Variants in PSMB10 observed in about 807,000 individuals in gnomAD.
PSMB10 encodes the protein proteasome subunit beta type-10.
In PSMB10, 29 loss-of-function variants were observed where a neutral mutation model predicts 29.8. That is an observed-to-expected ratio of 0.97 (90% CI 0.73 to 1.33). The LOEUF (loss-of-function observed/expected upper bound fraction) is 1.33. Ranked by LOEUF, PSMB10 falls within the 40% of genes most tolerant of loss-of-function variation. The pLI, the probability that PSMB10 is intolerant of heterozygous loss-of-function variation, is 0.00. For missense variants in PSMB10, 327 were observed against 369.2 expected (o/e 0.89, Z 0.94); for synonymous variants, 157 against 164.7 (o/e 0.95, Z 0.36).
At chr16:67,936,567 T>A in intron 1 of PSMB10, 82 bp from the exon 2 acceptor site, 23 of 1,460,924 alleles carry the variant, frequency 1.6e-5, no homozygotes, top group Non-Finnish European at 1.9e-5. Flanking sequence ...CCCGTCTCCC[T>A]CATCTTCCGG....
intron 6 of PSMB10, 157 bp downstream of exon 6, chr16:67,935,263 G>A (rs542246429): frequency 3.4e-6 from 3 of 880,846 alleles, no homozygotes; most frequent in African/African-American, 1.7e-5. Flanking sequence ...GTGTTATGTC[G>A]GGACCGCACT....
Position 67,935,407 on chromosome 16 carries a change from A to G in PSMB10, c.558+13T>C, listed in dbSNP as rs1357880847. On this transcript the variant is annotated intron_variant, in intron 6 of 7. Transcript: ENST00000358514. ...CACCAGCGACCACAAAGTCGGGGAC[A>G]GAGGCCGCTCACCGTCATGTTCGGC... 12 of 1,613,530 alleles carry G rather than the reference A, an allele frequency of 7.4e-6. No homozygotes were observed. The highest frequency in any genetic ancestry group is 1.0e-5 in the Non-Finnish European group (12 of 1,179,884).
chr16:67,934,662 G>T lies in PSMB10; in HGVS notation c.720C>A (p.Arg240=), dbSNP rs1445599183. 7 of 1,613,996 alleles carry T rather than the reference G, an allele frequency of 4.3e-6. No individual in the cohort carries two copies. The highest frequency in any genetic ancestry group is 5.9e-6 in the Non-Finnish European group (7 of 1,180,008). Reference sequence around the variant, plus strand: ...CTGTGGTTCCAGGCACAAAGTGGTAGCGGCCAGACCTGGGAGGGAGGAGGG... The same window carrying T: ...CTGTGGTTCCAGGCACAAAGTGGTATCGGCCAGACCTGGGAGGGAGGAGGG... The part of the protein sequence containing the change: ...SPTEPVKRSG[R]YHFVPGTTAV... Residue 240 remains arginine, a synonymous_variant, in exon 8 of 8, where the codon CGC becomes CGA. Coordinates refer to ENST00000358514, the MANE Select transcript of PSMB10 (RefSeq NM_002801.4). The surrounding 1 kb of genome is among the most constrained non-coding windows in gnomAD (Gnocchi z 4.3).
In PSMB10 at chr16:67,936,090, C is replaced by T; in HGVS notation, c.256G>A (p.Gly86Arg). The change falls in exon 4 of 8, where the codon GGA becomes AGA. Residue 86 changes from glycine to arginine, a missense_variant. Physicochemically the swap from Gly to Arg is moderately radical, Grantham distance 125. Transcript: ENST00000358514. ...IAPKIYCCGA[G>R]VAADAEMTTR... ...GTCATCTCGGCGTCCGCGGCTACTC[C>T]AGCCCCACAGCAGCTGAGGCAAAAG... 1 of 1,609,708 alleles carries T rather than the reference C, an allele frequency of 6.2e-7. No homozygotes were observed.
At position 67,935,679 on chromosome 16, in the gene PSMB10, ACCC is replaced by A. The variant is rs1364070814; in HGVS notation, c.399_401del (p.Gly134del). 1 of 1,613,744 alleles carries A rather than the reference ACCC, an allele frequency of 6.2e-7. No homozygotes were observed. Among genetic ancestry groups the A allele is most frequent in the African/African-American group, 1.3e-5 (1 of 74,900 alleles). The stretch of plus-strand genomic sequence containing the variant: ...CTACGCCGCCCACGATCAGCGATGC[ACCC>A]ACGTGGCCCTGGTACCTGCTCGAGG... On this transcript the variant is annotated inframe_deletion, in exon 5 of 8. Coordinates refer to ENST00000358514, the MANE Select transcript of PSMB10 (RefSeq NM_002801.4).
At position 67,935,438 on chromosome 16, in the gene PSMB10, C is replaced by A; in HGVS notation, c.540G>T (p.Arg180=). Residue 180 remains arginine (R), a synonymous_variant, in exon 6 of 8, where the codon CGG becomes CGT. Transcript: ENST00000358514. ...QDAALAVLED[R]FQPNMTLEAA... is the part of the protein sequence containing the mutation. ...CGCTCACCGTCATGTTCGGCTGGAA[C>A]CGGTCTTCTAGCACCGCCAGGGCCG... 1.2e-6 allele frequency: 2 copies of A among 1,614,110 alleles called. No homozygotes were observed. The highest frequency in any genetic ancestry group is 1.1e-5 in the South Asian group (1 of 91,086).
In PSMB10 at chr16:67,936,768, G is replaced by C. The variant is rs1449071043; in HGVS notation, c.-19C>G. ...TCAGCATCTTGGGGCAGGCAGAGGG[G>C]ATTAGGGGTCGCGGGCGGATGAGTC... On this transcript the variant is annotated 5_prime_UTR_variant, in exon 1 of 8. It adds an upstream start codon to the 5' untranslated region. Transcript: ENST00000358514. 2 of 1,551,246 alleles carry C rather than the reference G, an allele frequency of 1.3e-6. No homozygotes were observed. The highest frequency in any genetic ancestry group is 2.0e-5 in the Admixed American group (1 of 50,730).
In PSMB10 at chr16:67,936,223, G is replaced by A. The variant is rs540222447; in HGVS notation, c.234C>T (p.Pro78=). 2 of 1,614,000 alleles carry A rather than the reference G, an allele frequency of 1.2e-6. No individual in the cohort carries two copies. The highest frequency in any genetic ancestry group is 1.3e-5 in the African/African-American group (1 of 75,044). The change falls in exon 3 of 8, where the codon CCC becomes CCT. Residue 78 remains proline (P), a synonymous_variant. Coordinates refer to ENST00000358514, the MANE Select transcript of PSMB10 (RefSeq NM_002801.4). ...GGGCTCGGGAGTCTCACTAGATTTT[G>A]GGGGCGATGAAGTGGATCTTCTCGC... is the stretch of plus-strand genomic sequence containing the variant. ...KSCEKIHFIA[P]KIYCCGAGVA...
intron 6 of PSMB10, 102 bp downstream of exon 6, chr16:67,935,315 CCGA>C: frequency 2.1e-6 from 3 of 1,433,752 alleles, no homozygotes; most frequent in Non-Finnish European, 2.9e-6. Context: ...GTCACCTCCT[CCGA>C]CAAGCCTTAG....
At chr16:67,936,187 G>T in intron 3 of PSMB10, 28 bp downstream of exon 3, 1 of 1,612,456 alleles carries the variant, frequency 6.2e-7, no homozygotes, top group Non-Finnish European at 8.5e-7. Context: ...TCTTTTTTGC[G>T]TACGGGAACT....
In PSMB10 at chr16:67,934,665, G is replaced by A; in HGVS notation, c.717C>T (p.Gly239=). The change falls in exon 8 of 8, where the codon GGC becomes GGT. Residue 239 remains glycine (G), a synonymous_variant. Coordinates refer to ENST00000358514, the MANE Select transcript of PSMB10 (RefSeq NM_002801.4). This position sits in a 1 kb window ranked among gnomAD's most constrained non-coding sequence, Gnocchi z 4.3. ...SSPTEPVKRS[G]RYHFVPGTTA... ...TGGTTCCAGGCACAAAGTGGTAGCG[G>A]CCAGACCTGGGAGGGAGGAGGGACA... The A allele has an allele frequency of 1.2e-6, 2 of 1,614,080 alleles. No homozygotes were observed. Among genetic ancestry groups the A allele is most frequent in the South Asian group, 2.2e-5 (2 of 91,080 alleles).
rs1296958814 is a variant in PSMB10, at chr16:67,936,119, G to C, written c.243-16C>G. 6.2e-7 allele frequency: 1 copy of C among 1,607,966 alleles called. No homozygotes were observed. The highest frequency in any genetic ancestry group is 8.5e-7 in the Non-Finnish European group (1 of 1,175,212). On this transcript the variant is annotated splice_polypyrimidine_tract_variant and intron_variant, in intron 3 of 7. Coordinates refer to ENST00000358514, the MANE Select transcript of PSMB10 (RefSeq NM_002801.4). The stretch of plus-strand genomic sequence containing the variant: ...CCCACAGCAGCTGAGGCAAAAGGGA[G>C]GATCGGTGTGGGCAGGGCTGGGACG...
chr16:67,936,282 C>T lies in PSMB10; in HGVS notation c.175G>A (p.Ala59Thr), dbSNP rs1362787077. 4 of 1,613,674 alleles carry T rather than the reference C, an allele frequency of 2.5e-6. No homozygotes were observed. The highest frequency in any genetic ancestry group is 3.4e-6 in the Non-Finnish European group (4 of 1,179,940). Residue 59 changes from alanine (A) to threonine (T), a missense_variant, in exon 3 of 8, where the codon GCC becomes ACC. Ala to Thr is a moderately conservative substitution (Grantham distance 58, BLOSUM62 0). Transcript: ENST00000358514. ...DGVILGADTRATNDSVVADKS... is the reference protein window; with the variant it reads ...DGVILGADTRTTNDSVVADKS... ...TCCGCCACGACCGAATCGTTAGTGG[C>T]TCGCGTATCGGCGCCCAGAATGACC...
At chr16:67,935,304 G>A (rs1423025277) in intron 6 of PSMB10, 116 bp downstream of exon 6, 2 of 1,279,220 alleles carry the variant, frequency 1.6e-6, no homozygotes, top group Admixed American at 3.9e-5. Context: ...ACCCTTCAGT[G>A]GTCACCTCCT....
rs1438176253 is a variant in PSMB10 at position 67,935,845 on chromosome 16, G to T, written c.383+118C>A. 6.7e-6 allele frequency: 10 copies of T among 1,494,320 alleles called. No individual in the cohort carries two copies. In the Admixed American group the frequency reaches 2.1e-4, roughly 31 times the overall value. The allele number at this position is 1,494,320 out of a possible 1,614,324, so 92.6% of individuals were successfully genotyped here. ...TTTCCTGTAGCCCAGGTTCTCTTGG[G>T]CCGGCCTCTTCCGGTCACCTGGCCC... On this transcript the variant is annotated intron_variant, in intron 4 of 7. Transcript: ENST00000358514.
rs925737121 is a variant in PSMB10, at chr16:67,934,847, A to T, written c.660T>A (p.Thr220=). The T allele has an allele frequency of 1.9e-6, 3 of 1,613,876 alleles. No homozygotes were observed. The highest frequency in any genetic ancestry group is 1.3e-5 in the African/African-American group (1 of 74,884). Residue 220 remains threonine (T), a synonymous_variant, in exon 7 of 8, where the codon ACT becomes ACA. Coordinates refer to ENST00000358514, the MANE Select transcript of PSMB10 (RefSeq NM_002801.4). The surrounding 1 kb of genome is among the most constrained non-coding windows in gnomAD (Gnocchi z 4.3). ...GNVDACVITK[T]GAKLLRTLSS... ...TCAGTGTCCGCAGCAGCTTGGCGCC[A>T]GTCTTTGTGATCACACATGCGTCCA...
Position 67,935,443 on chromosome 16 carries a change from C to G in PSMB10, c.535G>C (p.Asp179His), listed in dbSNP as rs1203120015. The G allele has an allele frequency of 6.2e-7, 1 of 1,614,128 alleles. No homozygotes were observed. Among genetic ancestry groups the G allele is most frequent in the Admixed American group, 1.7e-5 (1 of 60,024 alleles). The stretch of plus-strand genomic sequence containing the variant: ...ACCGTCATGTTCGGCTGGAACCGGT[C>G]TTCTAGCACCGCCAGGGCCGCGTCC... Reference protein sequence around the residue: ...GQDAALAVLEDRFQPNMTLEA... With the variant: ...GQDAALAVLEHRFQPNMTLEA... Residue 179 changes from aspartate to histidine, a missense_variant, in exon 6 of 8, where the codon GAC (aspartate) becomes CAC (histidine). Physicochemically the swap from Asp to His is moderately conservative, Grantham distance 81. Transcript: ENST00000358514.
At chr16:67,936,625 G>A in intron 1 of PSMB10, 69 bp downstream of exon 1, 1 of 1,375,980 alleles carries the variant, frequency 7.3e-7, no homozygotes, top group East Asian at 2.5e-5. Flanking sequence ...CCCACCCCCA[G>A]CCAGGAAAAA....
rs1379808376 is a variant in PSMB10 at position 67,934,754 on chromosome 16, A to G, written c.710+43T>C. The G allele has an allele frequency of 2.2e-5, 36 of 1,610,526 alleles. No individual in the cohort carries two copies. The highest frequency in any genetic ancestry group is 5.3e-5 in the African/African-American group (4 of 74,814). ...TTTGCAGCCCCCTATCTCCCCTGCT[A>G]TAGCCCCACACATCCCTGTGGTCCC... is the stretch of plus-strand genomic sequence containing the variant. On this transcript the variant is annotated intron_variant, in intron 7 of 7. Coordinates refer to ENST00000358514, the MANE Select transcript of PSMB10 (RefSeq NM_002801.4). This position sits in a 1 kb window ranked among gnomAD's most constrained non-coding sequence, Gnocchi z 4.3.
Sources: allele counts gnomAD v4.1 joint callset, GRCh38; gene constraint gnomAD v4.1.1; non-coding constraint Gnocchi (gnomAD v3.1); transcripts MANE v1.5; gene names NCBI Gene and HGNC (gene_info 2026-07-23, HGNC 2026-07-21).